The following ACCSL variants were observed in gnomAD, a reference collection of about 807,000 sequenced individuals.
The protein encoded by ACCSL is probable inactive 1-aminocyclopropane-1-carboxylate synthase-like protein 2.
Under a neutral mutation model 61.7 loss-of-function variants are expected in ACCSL, and 55 were observed. That is an observed-to-expected ratio of 0.89 (90% CI 0.72 to 1.12). The LOEUF (loss-of-function observed/expected upper bound fraction) is 1.12, where lower values mean the gene tolerates loss of function less well. ACCSL is among the 50% of genes most tolerant of loss of function. The pLI, the probability that ACCSL is intolerant of heterozygous loss-of-function variation, is 0.00. For missense variants in ACCSL, 632 were observed against 698.0 expected (o/e 0.91, Z 1.07); for synonymous variants, 258 against 264.3 (o/e 0.98, Z 0.23).
chr11:44,030,079 TTTTTTA>T, the ACCSL span, among the ~76,000 whole-genome samples: 2 of 129,396 alleles, frequency 1.5e-5, no homozygotes, highest in Admixed American at 8.1e-5. Flanking sequence ...TTTTTTTTTT[TTTTTTA>T]GTATAAAGGG....
the ACCSL span, among the ~76,000 whole-genome samples, chr11:44,015,684 C>T: frequency 2.6e-5 from 4 of 152,182 alleles, no homozygotes; most frequent in African/African-American, 9.7e-5. Context: ...AATAAGAATG[C>T]GGCTAGGTTT....
At chr11:44,025,267 A>T in the ACCSL span, among the ~76,000 whole-genome samples, 1 of 151,988 alleles carries the variant, frequency 6.6e-6, no homozygotes, top group Non-Finnish European at 1.5e-5. Flanking sequence ...CCCTATTTGT[A>T]TTAAATGGAT....
At chr11:43,969,587 C>T in the ACCSL span, among the ~76,000 whole-genome samples, 1 of 152,008 alleles carries the variant, frequency 6.6e-6, no homozygotes, top group Non-Finnish European at 1.5e-5. Context: ...CCCCTCCTTC[C>T]TTTTTCCCTG....
chr11:44,045,789 A>G (rs941094296), upstream of ACCSL, among the ~76,000 whole-genome samples: 12 of 152,224 alleles, frequency 7.9e-5, no homozygotes, highest in Non-Finnish European at 1.5e-4. Flanking sequence ...TTCTGGGACC[A>G]TGGGCTGAGC....
At chr11:43,995,528 A>G in the ACCSL span, 1 of 152,256 alleles carries the variant, frequency 6.6e-6, no homozygotes, top group African/African-American at 2.4e-5. Flanking sequence ...TAGATATTCC[A>G]CCAAGGGGTA....
At chr11:44,005,962 T>C in the ACCSL span, among the ~76,000 whole-genome samples, 4 of 152,126 alleles carry the variant, frequency 2.6e-5, no homozygotes, top group African/African-American at 9.7e-5. Context: ...AAGGCCAAAG[T>C]GCAGGGGAGG....
the ACCSL span, among the ~76,000 whole-genome samples, chr11:44,040,158 CA>C: frequency 6.6e-6 from 1 of 152,226 alleles, no homozygotes; most frequent in East Asian, 1.9e-4. Context: ...AGCTTGTTCT[CA>C]AATCATGACC....
the ACCSL span, among the ~76,000 whole-genome samples, chr11:44,012,769 A>T: frequency 6.6e-6 from 1 of 152,238 alleles, no homozygotes; most frequent in Non-Finnish European, 1.5e-5. Context: ...AAGTCAGAAC[A>T]ATTAAAGTCC....
chr11:44,058,972 G>A (rs548833024), intron 13 of ACCSL, among the ~76,000 whole-genome samples: 6 of 152,144 alleles, frequency 3.9e-5, no homozygotes, highest in Non-Finnish European at 8.8e-5. Flanking sequence ...GCCAGGTGCG[G>A]TGTCTTATGC....
chr11:43,998,740 T>G, the ACCSL span, among the ~76,000 whole-genome samples: 1 of 151,696 alleles, frequency 6.6e-6, no homozygotes, highest in Non-Finnish European at 1.5e-5. Context: ...TCATTCATTA[T>G]TTATTCATTC....
chr11:43,992,207 A>G, the ACCSL span, among the ~76,000 whole-genome samples: 1 of 120,206 alleles, frequency 8.3e-6, no homozygotes, highest in East Asian at 2.4e-4. Flanking sequence ...TCACGCCACC[A>G]TGCCTGGCTA....
chr11:44,049,940 T>C, intron 1 of ACCSL, 122 bp from the exon 2 acceptor site: 1 of 1,342,812 alleles, frequency 7.4e-7, no homozygotes, highest in Non-Finnish European at 1.1e-6. Context: ...CGTGTAAAGT[T>C]GTCAAATTTG....
the ACCSL span, among the ~76,000 whole-genome samples, chr11:43,972,313 G>A: frequency 6.6e-6 from 1 of 152,162 alleles, no homozygotes; most frequent in Admixed American, 6.5e-5. Flanking sequence ...GTGTACTCAT[G>A]TCACCCACTG....
At chr11:44,019,789 T>A in the ACCSL span, among the ~76,000 whole-genome samples, 7 of 152,228 alleles carry the variant, frequency 4.6e-5, no homozygotes, top group African/African-American at 1.7e-4. Flanking sequence ...TTTTGTAAAT[T>A]GTACTTTCAG....
At chr11:43,961,893 C>T in the ACCSL span, among the ~76,000 whole-genome samples, 2 of 152,264 alleles carry the variant, frequency 1.3e-5, no homozygotes, top group South Asian at 4.1e-4. Flanking sequence ...TTACATAGGG[C>T]GTACCCCAAG....
the ACCSL span, among the ~76,000 whole-genome samples, chr11:43,931,258 G>T: frequency 2.0e-5 from 3 of 152,310 alleles, no homozygotes; most frequent in South Asian, 6.2e-4. Flanking sequence ...AGTGGGGAGG[G>T]GCCTTCATGC....
chr11:43,985,383 G>A, the ACCSL span, among the ~76,000 whole-genome samples: 2 of 152,150 alleles, frequency 1.3e-5, no homozygotes, highest in South Asian at 2.1e-4. Flanking sequence ...TGGGAGAGCC[G>A]AGGCCATGGG....
the ACCSL span, chr11:43,943,402 C>A: frequency 1.9e-5 from 26 of 1,402,012 alleles, no homozygotes; most frequent in South Asian, 3.7e-4. The surrounding 1 kb of genome is among the most constrained non-coding windows in gnomAD (Gnocchi z 4.8). Context: ...TCCTCGCGCG[C>A]TCGGACTCCC....
At chr11:43,994,067 G>A in the ACCSL span, among the ~76,000 whole-genome samples, 1,471 of 152,288 alleles carry the variant, frequency 9.7e-3, 18 homozygotes, top group East Asian at 0.03. Context: ...TTCTGATACC[G>A]TGGGAAACAC....
Sources: allele counts gnomAD v4.1 joint callset (sites outside exome capture counted in the v4.1 genomes callset), GRCh38; gene constraint gnomAD v4.1.1; non-coding constraint Gnocchi (gnomAD v3.1); transcripts MANE v1.5; gene names NCBI Gene and HGNC (gene_info 2026-07-23, HGNC 2026-07-21).